The following UTRN variants were observed in gnomAD, a reference collection of about 807,000 sequenced individuals.
The protein encoded by UTRN is dystrophin-related protein 1.
In UTRN, 283 loss-of-function variants were observed where a neutral mutation model predicts 463.9. The ratio of observed to expected loss-of-function variants is 0.61; its 90% CI spans 0.55 to 0.67. The LOEUF is 0.67. Ranked by LOEUF, UTRN falls within the 30% of genes least tolerant of loss-of-function variation. UTRN has a pLI of 0.00. For missense variants in UTRN, 3,922 were observed against 4,084.3 expected, an observed-to-expected ratio of 0.96 and a Z score of 1.08; for synonymous variants, 1,442 against 1,431.5, an observed-to-expected ratio of 1.01 and a Z score of -0.17.
rs1409282912 is a variant in UTRN, at chr6:144,728,462, G to C, written c.7810-1895G>C. 2.2e-5 allele frequency among the ~76,000 whole-genome samples: 3 copies of C among 139,520 alleles called. No individual in the cohort carries two copies. The South Asian group carries it at 6.9e-4, about 32-fold the overall frequency. The allele number at this position is 139,520 out of a possible 152,430, so 91.5% of individuals were successfully genotyped here. ...CCATATATTAAAACTTTAAGTGCCA[G>C]ATGTATATAATCTTTTTTTTTTTTT... On this transcript the variant is annotated intron_variant, in intron 53 of 74. Coordinates refer to ENST00000367545, the MANE Select transcript of UTRN (RefSeq NM_007124.3).
rs558149147 is a variant in UTRN, at chr6:144,454,795, T to A, written c.2284+926T>A. Among the ~76,000 whole-genome samples, 3 of 152,344 alleles carry A rather than the reference T, an allele frequency of 2.0e-5. No homozygotes were observed. In the East Asian group the frequency reaches 5.8e-4, roughly 29 times the overall value. ...CGTTCCTCAGCCTCTCAATTATTACTATTTTTACAGTTTTCTTGGAAGTAA... is the reference window on the plus strand; with the variant it reads ...CGTTCCTCAGCCTCTCAATTATTACAATTTTTACAGTTTTCTTGGAAGTAA... On this transcript the variant is annotated intron_variant, in intron 19 of 74. Coordinates refer to ENST00000367545, the MANE Select transcript of UTRN (RefSeq NM_007124.3).
chr6:144,619,200 T>C (rs1471294483), intron 51 of UTRN, among the ~76,000 whole-genome samples: 1 of 152,160 alleles, frequency 6.6e-6, no homozygotes, highest in Non-Finnish European at 1.5e-5. Context: ...ATCAAATTGG[T>C]CGATAAACAC....
chr6:144,366,366 C>T (rs1209739260), intron 2 of UTRN, among the ~76,000 whole-genome samples: 1 of 152,112 alleles, frequency 6.6e-6, no homozygotes, highest in Non-Finnish European at 1.5e-5. Context: ...GGCCTAATAG[C>T]CATTGGTTAT....
chr6:144,325,794 C>A (rs1253572880), intron 2 of UTRN, among the ~76,000 whole-genome samples: 2 of 151,832 alleles, frequency 1.3e-5, no homozygotes, highest in Admixed American at 6.6e-5. Context: ...AAGGAAGGAG[C>A]CACTTAGGGG....
chr6:144,679,141 G>A (rs192030786), intron 52 of UTRN, among the ~76,000 whole-genome samples: 10 of 152,112 alleles, frequency 6.6e-5, no homozygotes, highest in Admixed American at 6.5e-4. Flanking sequence ...ATCTCTTATG[G>A]ACACTAAAAT....
intron 51 of UTRN, among the ~76,000 whole-genome samples, chr6:144,619,795 A>G (rs1775150339): frequency 6.8e-6 from 1 of 147,650 alleles, no homozygotes; most frequent in South Asian, 2.3e-4. Context: ...TGATGCCTTA[A>G]TATCTGCCCC....
chr6:144,419,662 T>A (rs1472137274), intron 3 of UTRN, among the ~76,000 whole-genome samples: 2 of 152,140 alleles, frequency 1.3e-5, no homozygotes, highest in Admixed American at 1.3e-4. Context: ...CTGAATGTTT[T>A]AAAAGATAAT....
chr6:144,297,213 A>C (rs1223098653), intron 2 of UTRN, among the ~76,000 whole-genome samples: 1 of 152,036 alleles, frequency 6.6e-6, no homozygotes, highest in African/African-American at 2.4e-5. Flanking sequence ...AGGGGAAGGA[A>C]GCAAAGGGTT....
intron 3 of UTRN, among the ~76,000 whole-genome samples, chr6:144,419,828 C>T (rs555513502): frequency 6.6e-6 from 1 of 152,320 alleles, no homozygotes; most frequent in East Asian, 1.9e-4. Context: ...AGACCTTACA[C>T]ATCGCACTGT....
chr6:144,810,334 G>A (rs189821576), intron 65 of UTRN, among the ~76,000 whole-genome samples: 1 of 152,242 alleles, frequency 6.6e-6, no homozygotes, highest in Non-Finnish European at 1.5e-5. Context: ...TCTCTTGGTT[G>A]TTATGAAAAA....
At chr6:144,832,067 G>T (rs1326216179) in intron 69 of UTRN, among the ~76,000 whole-genome samples, 1 of 152,004 alleles carries the variant, frequency 6.6e-6, no homozygotes, top group African/African-American at 2.4e-5. Flanking sequence ...TATTTCCTTG[G>T]TGCAAACCTA....
chr6:144,841,142 A>G (rs1409991957), intron 73 of UTRN, among the ~76,000 whole-genome samples: 1 of 152,226 alleles, frequency 6.6e-6, no homozygotes, highest in Non-Finnish European at 1.5e-5. Flanking sequence ...CTTCGATGCA[A>G]GCTATCATAA....
In UTRN at chr6:144,612,186, A is replaced by G. The variant is rs530187718; in HGVS notation, c.7479+34898A>G. Among the ~76,000 whole-genome samples, 7 of 152,308 alleles carry G rather than the reference A, an allele frequency of 4.6e-5. 1 individual carries two copies. Among genetic ancestry groups the G allele is most frequent in the African/African-American group, 1.7e-4 (7 of 41,576 alleles). On this transcript the variant is annotated intron_variant, in intron 51 of 74. Coordinates refer to ENST00000367545, the MANE Select transcript of UTRN (RefSeq NM_007124.3). Reference sequence around the variant, plus strand: ...GGATATCCACATGTAAAAGAATGAAAGTAGACCCCTATCTTACACCATAGG... The same window carrying G: ...GGATATCCACATGTAAAAGAATGAAGGTAGACCCCTATCTTACACCATAGG...
At chr6:144,365,709 A>G (rs974131694) in intron 2 of UTRN, among the ~76,000 whole-genome samples, 16 of 152,192 alleles carry the variant, frequency 1.1e-4, no homozygotes, top group African/African-American at 3.4e-4. Context: ...CTGTGGATTC[A>G]ATGATCATTT....
At chr6:144,542,594 T>C (rs1278078904) in intron 45 of UTRN, among the ~76,000 whole-genome samples, 1 of 151,864 alleles carries the variant, frequency 6.6e-6, no homozygotes, top group African/African-American at 2.4e-5. Context: ...TAAGGACTGG[T>C]TGGTGTTTTT....
chr6:144,436,278 T>A, intron 10 of UTRN, 140 bp downstream of exon 10: 3 of 912,324 alleles, frequency 3.3e-6, no homozygotes, highest in Non-Finnish European at 4.9e-6. Context: ...CTGTGATATT[T>A]AAATAGTGCT....
intron 46 of UTRN, among the ~76,000 whole-genome samples, chr6:144,546,575 A>G (rs1383374135): frequency 6.6e-6 from 1 of 152,124 alleles, no homozygotes; most frequent in Non-Finnish European, 1.5e-5. Context: ...CTGAGGCAGG[A>G]GGATCACTTG....
chr6:144,384,115 T>TAC (rs1781186708), intron 2 of UTRN, among the ~76,000 whole-genome samples: 1 of 152,186 alleles, frequency 6.6e-6, no homozygotes, highest in African/African-American at 2.4e-5. Context: ...GAAATGTACA[T>TAC]ACATCTTGTT....
intron 2 of UTRN, among the ~76,000 whole-genome samples, chr6:144,321,068 C>T (rs547890748): frequency 1.3e-5 from 2 of 152,112 alleles, no homozygotes; most frequent in South Asian, 4.1e-4. Flanking sequence ...CAGTTGCACA[C>T]GTTTAGTGGT....
Sources: allele counts gnomAD v4.1 joint callset (sites outside exome capture counted in the v4.1 genomes callset), GRCh38; gene constraint gnomAD v4.1.1; transcripts MANE v1.5; gene names NCBI Gene and HGNC (gene_info 2026-07-23, HGNC 2026-07-21).